Variants in SND1 observed in about 807,000 individuals in gnomAD.
SND1 encodes the protein staphylococcal nuclease and tudor domain containing 1.
In SND1, 38 loss-of-function variants were observed where a neutral mutation model predicts 121.7. That is an observed-to-expected ratio of 0.31 (90% CI 0.24 to 0.41). The LOEUF is 0.41. Among genes scored for constraint, SND1 ranks in the 10% least tolerant of loss-of-function variants. The pLI is 1.00. For missense variants in SND1, 868 were observed against 1,184.6 expected, an observed-to-expected ratio of 0.73 and a Z score of 3.92; for synonymous variants, 401 against 447.4, an observed-to-expected ratio of 0.90 and a Z score of 1.31.
intron 10 of SND1, among the ~76,000 whole-genome samples, chr7:127,791,898 C>T (rs1162418806): frequency 6.6e-6 from 1 of 152,188 alleles, no homozygotes; most frequent in Non-Finnish European, 1.5e-5. Flanking sequence ...TAACTTTAGT[C>T]TTCCATTTCT....
intron 13 of SND1, among the ~76,000 whole-genome samples, chr7:127,895,613 T>C (rs1028573748): frequency 3.9e-5 from 6 of 152,124 alleles, no homozygotes; most frequent in African/African-American, 1.4e-4. Flanking sequence ...GGAAGATAAG[T>C]TTTTGCAAGT....
chr7:128,073,578 G>A (rs1441750840), intron 16 of SND1, among the ~76,000 whole-genome samples: 1 of 152,076 alleles, frequency 6.6e-6, no homozygotes, highest in Non-Finnish European at 1.5e-5. Flanking sequence ...GAATTCCCAG[G>A]TATTTAGACA....
chr7:128,020,982 T>A (rs57227868), intron 16 of SND1, among the ~76,000 whole-genome samples: 1 of 152,234 alleles, frequency 6.6e-6, no homozygotes, highest in African/African-American at 2.4e-5. Flanking sequence ...CCTCTCCTCA[T>A]TTCTAATGAA....
At chr7:127,860,776 A>G (rs1367591740) in intron 12 of SND1, among the ~76,000 whole-genome samples, 2 of 152,206 alleles carry the variant, frequency 1.3e-5, no homozygotes, top group Non-Finnish European at 2.9e-5. Flanking sequence ...CTGTATCTCC[A>G]AGTAATAAAT....
chr7:127,705,616 T>G (rs1229886233), intron 8 of SND1, among the ~76,000 whole-genome samples: 1 of 151,988 alleles, frequency 6.6e-6, no homozygotes, highest in African/African-American at 2.4e-5. Flanking sequence ...TAGATGTAGA[T>G]GTAGATGTAG....
rs757014077 is a variant in SND1, at chr7:128,074,669, C to T, written c.1947C>T (p.Ala649=). 4.3e-6 allele frequency: 7 copies of T among 1,612,482 alleles called. No individual in the cohort carries two copies. The East Asian group carries it at 6.7e-5, about 15-fold the overall frequency. ...AGTCCCTGCTGTCTGCCGAGGAGGCCGCAAAGCAGAAGAAAGAGAAGGTAC... is the reference window on the plus strand; with the variant it reads ...AGTCCCTGCTGTCTGCCGAGGAGGCTGCAAAGCAGAAGAAAGAGAAGGTAC... ...YYKSLLSAEE[A]AKQKKEKVWA... Residue 649 remains alanine (A), a synonymous_variant, in exon 17 of 24, where the codon GCC becomes GCT. Coordinates refer to ENST00000354725, the MANE Select transcript of SND1 (RefSeq NM_014390.4).
intron 15 of SND1, among the ~76,000 whole-genome samples, chr7:127,950,306 C>T (rs1801432696): frequency 6.6e-6 from 1 of 152,080 alleles, no homozygotes; most frequent in African/African-American, 2.4e-5. Context: ...GGAGCCAGTC[C>T]CCACCTAGTC....
chr7:128,046,315 G>A (rs1232318113), intron 16 of SND1, among the ~76,000 whole-genome samples: 1 of 148,034 alleles, frequency 6.8e-6, no homozygotes, highest in Non-Finnish European at 1.5e-5. Flanking sequence ...CCCATGCTGG[G>A]TTTTTTGGGG....
At chr7:127,779,288 T>G (rs1797675952) in intron 10 of SND1, among the ~76,000 whole-genome samples, 1 of 152,208 alleles carries the variant, frequency 6.6e-6, no homozygotes, top group Non-Finnish European at 1.5e-5. Context: ...ACAGAACACC[T>G]TTTGAGTAGT....
chr7:127,877,883 G>A (rs889342300), intron 12 of SND1, among the ~76,000 whole-genome samples: 2 of 152,026 alleles, frequency 1.3e-5, no homozygotes, highest in South Asian at 2.1e-4. Flanking sequence ...TAATAATGAA[G>A]TTTCAATGGG....
chr7:128,075,948 G>T (rs528576626), intron 17 of SND1, among the ~76,000 whole-genome samples: 2 of 152,238 alleles, frequency 1.3e-5, no homozygotes, highest in South Asian at 2.1e-4. Flanking sequence ...CAGGGAGAGG[G>T]GGGGAGGGGC....
At chr7:127,758,879 C>T (rs1021607495) in intron 10 of SND1, among the ~76,000 whole-genome samples, 1 of 152,020 alleles carries the variant, frequency 6.6e-6, no homozygotes. Flanking sequence ...CATAGGGAAA[C>T]CGTATCTCTA....
chr7:127,720,896 C>G (rs1796483119), intron 9 of SND1, among the ~76,000 whole-genome samples: 1 of 152,120 alleles, frequency 6.6e-6, no homozygotes, highest in Non-Finnish European at 1.5e-5. Context: ...AAATCCAACC[C>G]TTGCCTCTTT....
At chr7:128,033,281 A>C (rs1792685392) in intron 16 of SND1, among the ~76,000 whole-genome samples, 1 of 152,172 alleles carries the variant, frequency 6.6e-6, no homozygotes, top group Non-Finnish European at 1.5e-5. Flanking sequence ...ACCCCCCTGA[A>C]AAAAGACTGC....
chr7:128,013,788 C>T lies in SND1; in HGVS notation c.1779+22732C>T, dbSNP rs529940891. On this transcript the variant is annotated intron_variant, in intron 16 of 23. Coordinates refer to ENST00000354725, the MANE Select transcript of SND1 (RefSeq NM_014390.4). ...GCGGAGCCCTGGCAGTAATGCTCCC[C>T]GCCTACCACTCACCTCCTTAGGCAG... 2.1e-3 allele frequency among the ~76,000 whole-genome samples: 316 copies of T among 152,326 alleles called. 1 individual carries two copies. Among genetic ancestry groups the T allele is most frequent in the Non-Finnish European group, 2.9e-3 (194 of 68,034 alleles).
chr7:127,811,215 GA>G (rs1798329828), intron 11 of SND1, among the ~76,000 whole-genome samples: 1 of 152,090 alleles, frequency 6.6e-6, no homozygotes, highest in Non-Finnish European at 1.5e-5. Flanking sequence ...CATTTTTCTT[GA>G]TCAGTGCAGA....
chr7:127,950,241 A>G (rs918925588), intron 15 of SND1, among the ~76,000 whole-genome samples: 8 of 152,120 alleles, frequency 5.3e-5, no homozygotes, highest in Admixed American at 4.6e-4. Context: ...AGGTTTGGGA[A>G]TTACGAAATA....
At chr7:127,660,452 CTT>C (rs1336988990) in intron 1 of SND1, among the ~76,000 whole-genome samples, 1 of 152,084 alleles carries the variant, frequency 6.6e-6, no homozygotes, top group Non-Finnish European at 1.5e-5. Flanking sequence ...GGAGCCAGGA[CTT>C]TGGTTTTTGT....
At chr7:127,832,008 AC>A (rs1273455004) in intron 11 of SND1, among the ~76,000 whole-genome samples, 1 of 152,154 alleles carries the variant, frequency 6.6e-6, no homozygotes, top group African/African-American at 2.4e-5. Flanking sequence ...CATCATATTT[AC>A]CATTGTTCAT....
Sources: allele counts gnomAD v4.1 joint callset (sites outside exome capture counted in the v4.1 genomes callset), GRCh38; gene constraint gnomAD v4.1.1; transcripts MANE v1.5; gene names NCBI Gene and HGNC (gene_info 2026-07-23, HGNC 2026-07-21).